Variants in XRCC4 observed in about 807,000 individuals in gnomAD.
XRCC4 encodes the protein X-ray repair cross complementing 4.
In XRCC4, 28 loss-of-function variants were observed where a neutral mutation model predicts 39.1. That is an observed-to-expected ratio of 0.72 (90% confidence interval 0.53 to 0.98). The LOEUF is 0.98. Among genes scored for constraint, XRCC4 ranks in the 50% least tolerant of loss-of-function variants. The pLI, the probability that XRCC4 is intolerant of heterozygous loss-of-function variation, is 0.00. For synonymous variants in XRCC4, 123 were observed against 126.4 expected, an observed-to-expected ratio of 0.97 and a Z score of 0.18; for missense variants, 350 against 376.4, an observed-to-expected ratio of 0.93 and a Z score of 0.58.
At chr5:83,302,279 G>C (rs1313534793) in intron 7 of XRCC4, among the ~76,000 whole-genome samples, 2 of 151,774 alleles carry the variant, frequency 1.3e-5, no homozygotes, top group Non-Finnish European at 2.9e-5. Context: ...AAAATAGCTT[G>C]GTGTCTGCTC....
chr5:83,370,346 G>C, the XRCC4 span, among the ~76,000 whole-genome samples: 1 of 152,076 alleles, frequency 6.6e-6, no homozygotes, highest in Non-Finnish European at 1.5e-5. Context: ...CCTCATCCCT[G>C]GAAGAAAGGT....
chr5:83,262,567 T>C (rs1292117070), intron 7 of XRCC4, among the ~76,000 whole-genome samples: 2 of 152,052 alleles, frequency 1.3e-5, no homozygotes, highest in Non-Finnish European at 2.9e-5. Flanking sequence ...AGAACAAATA[T>C]AAATCACTGT....
chr5:83,130,890 A>G (rs1260999921), intron 3 of XRCC4, among the ~76,000 whole-genome samples: 1 of 151,934 alleles, frequency 6.6e-6, no homozygotes, highest in Non-Finnish European at 1.5e-5. Flanking sequence ...CTAGTGGTCT[A>G]TCAGTTTAGT....
intron 1 of XRCC4, among the ~76,000 whole-genome samples, chr5:83,078,622 G>C (rs1426260479): frequency 6.6e-6 from 1 of 152,204 alleles, no homozygotes; most frequent in Non-Finnish European, 1.5e-5. Context: ...GGCACACAAA[G>C]GTTTTGTTTT....
At chr5:83,166,418 C>T (rs1749475622) in intron 3 of XRCC4, among the ~76,000 whole-genome samples, 1 of 151,514 alleles carries the variant, frequency 6.6e-6, no homozygotes, top group Non-Finnish European at 1.5e-5. Flanking sequence ...AGTGGTTGAA[C>T]TAATTTACCC....
chr5:83,171,834 G>A (rs192849023), intron 3 of XRCC4, among the ~76,000 whole-genome samples: 1 of 152,176 alleles, frequency 6.6e-6, no homozygotes, highest in East Asian at 1.9e-4. Flanking sequence ...CACAAGGACA[G>A]AAAGTATGCT....
intron 7 of XRCC4, among the ~76,000 whole-genome samples, chr5:83,288,669 G>A (rs1277787492): frequency 6.6e-6 from 1 of 151,592 alleles, no homozygotes; most frequent in East Asian, 1.9e-4. Context: ...TTGTTTCTGT[G>A]TATGTAAGAT....
At chr5:83,160,976 C>G (rs1749178409) in intron 3 of XRCC4, among the ~76,000 whole-genome samples, 1 of 152,076 alleles carries the variant, frequency 6.6e-6, no homozygotes, top group African/African-American at 2.4e-5. Flanking sequence ...ATTCCAAGTG[C>G]TTTGCAAATA....
chr5:83,346,147 T>C (rs1756910949), intron 7 of XRCC4, among the ~76,000 whole-genome samples: 1 of 152,232 alleles, frequency 6.6e-6, no homozygotes, highest in Non-Finnish European at 1.5e-5. Flanking sequence ...TTTCTTATTC[T>C]GTCATTAATG....
chr5:83,087,383 C>T (rs1400412520), intron 1 of XRCC4, among the ~76,000 whole-genome samples: 1 of 152,042 alleles, frequency 6.6e-6, no homozygotes, highest in Non-Finnish European at 1.5e-5. Context: ...TCCTGGTTGG[C>T]TGAGCACAGT....
intron 7 of XRCC4, among the ~76,000 whole-genome samples, chr5:83,306,360 C>A (rs1201467985): frequency 1.3e-5 from 2 of 152,112 alleles, no homozygotes; most frequent in African/African-American, 2.4e-5. Flanking sequence ...GTTCATCTCA[C>A]TTCAAATACA....
intron 3 of XRCC4, among the ~76,000 whole-genome samples, chr5:83,114,323 C>T (rs955809522): frequency 6.6e-5 from 10 of 152,176 alleles, no homozygotes; most frequent in African/African-American, 1.9e-4. Flanking sequence ...AATTTTTCCC[C>T]CAAATATGGG....
chr5:83,093,346 T>G lies in XRCC4; in HGVS notation c.-10-11564T>G, dbSNP rs536861610. On this transcript the variant is annotated intron_variant, in intron 1 of 7. Transcript: ENST00000396027. The stretch of plus-strand genomic sequence containing the variant: ...CATTAAAGGGTGTACAGAGATAGAC[T>G]GTAATACAATAACAGTAGAGAACTT... 7.2e-5 allele frequency among the ~76,000 whole-genome samples: 11 copies of G among 152,312 alleles called. No individual in the cohort carries two copies. The East Asian group carries it at 2.1e-3, about 29-fold the overall frequency.
chr5:83,370,186 T>G, the XRCC4 span, among the ~76,000 whole-genome samples: 1 of 152,276 alleles, frequency 6.6e-6, no homozygotes, highest in Non-Finnish European at 1.5e-5. Flanking sequence ...GTGAGGACTT[T>G]GGCCCCTTAA....
At chr5:83,090,195 C>T (rs1290024691) in intron 1 of XRCC4, among the ~76,000 whole-genome samples, 1 of 152,106 alleles carries the variant, frequency 6.6e-6, no homozygotes, top group Non-Finnish European at 1.5e-5. Flanking sequence ...TTGGCTGTTT[C>T]CCCATGTAAA....
chr5:83,168,132 T>C (rs1006284564), intron 3 of XRCC4, among the ~76,000 whole-genome samples: 1 of 152,090 alleles, frequency 6.6e-6, no homozygotes. Context: ...AAAAGCAAAA[T>C]CCAACTGTAT....
downstream of XRCC4, among the ~76,000 whole-genome samples, chr5:83,356,321 A>T (rs900010584): frequency 6.6e-6 from 1 of 152,092 alleles, no homozygotes; most frequent in Non-Finnish European, 1.5e-5. Context: ...ATGTGTGTAT[A>T]TGTGTCTATC....
intron 7 of XRCC4, among the ~76,000 whole-genome samples, chr5:83,323,716 A>G (rs7735611): frequency 0.02 from 2,979 of 147,040 alleles, 78 homozygotes; most frequent in African/African-American, 0.073. Flanking sequence ...GTATGAACAA[A>G]AATATCTGAT....
intron 3 of XRCC4, among the ~76,000 whole-genome samples, chr5:83,152,632 C>CAAAAAA (rs59213558): frequency 1.3e-4 from 15 of 112,090 alleles, no homozygotes; most frequent in Non-Finnish European, 1.7e-4. Context: ...GATCCTGTCT[C>CAAAAAA]AAAAAAAAAA....
Sources: gnomAD v4.1 joint callset for allele counts (sites outside exome capture counted in the v4.1 genomes callset) on GRCh38, gnomAD v4.1.1 for gene constraint, MANE v1.5 for transcripts, NCBI Gene and HGNC (gene_info 2026-07-23, HGNC 2026-07-21) for gene names.